Variants in BLTP3B observed in about 807,000 individuals in gnomAD.
The protein encoded by BLTP3B is bridge-like lipid transfer protein family member 3B.
At chr12:100,142,807 A>G in the BLTP3B span, 5 of 964,662 alleles carry the variant, frequency 5.2e-6, no homozygotes, top group Admixed American at 3.3e-5. Flanking sequence ...GAGAACCCGG[A>G]GCATCACGCT....
At chr12:100,083,491 G>A in the BLTP3B span, among the ~76,000 whole-genome samples, 1 of 152,112 alleles carries the variant, frequency 6.6e-6, no homozygotes, top group Non-Finnish European at 1.5e-5. Context: ...AGCTAGATAG[G>A]AGAAGTAAAT....
the BLTP3B span, among the ~76,000 whole-genome samples, chr12:100,116,448 C>CAAAAAA: frequency 3.4e-4 from 19 of 55,746 alleles, no homozygotes; most frequent in East Asian, 1.8e-3. Context: ...GATCCTGTCT[C>CAAAAAA]AAAAAAAAAA....
the BLTP3B span, chr12:100,095,781 T>A: frequency 6.2e-7 from 1 of 1,613,458 alleles, no homozygotes; most frequent in Non-Finnish European, 8.5e-7. Flanking sequence ...TCAAAACCCA[T>A]AATAAGTCAT....
chr12:100,076,068 A>G, the BLTP3B span, among the ~76,000 whole-genome samples: 1 of 152,164 alleles, frequency 6.6e-6, no homozygotes, highest in Admixed American at 6.5e-5. Context: ...CAATATAAAA[A>G]TGTAACAAAC....
chr12:100,057,513 C>T, the BLTP3B span: 28 of 1,404,408 alleles, frequency 2.0e-5, no homozygotes, highest in Middle Eastern at 3.7e-4. Flanking sequence ...AAAAGCATCC[C>T]TTTTCTCCTA....
At chr12:100,058,884 G>C in the BLTP3B span, 1 of 1,613,842 alleles carries the variant, frequency 6.2e-7, no homozygotes, top group South Asian at 1.1e-5. Flanking sequence ...TGACGAGGAA[G>C]GGGAAAATCT....
the BLTP3B span, among the ~76,000 whole-genome samples, chr12:100,136,980 T>G: frequency 5.3e-5 from 8 of 151,992 alleles, no homozygotes; most frequent in Non-Finnish European, 1.2e-4. Context: ...CCCAGCTAAT[T>G]TTGCATTTTT....
At chr12:100,136,923 T>C in the BLTP3B span, among the ~76,000 whole-genome samples, 1 of 152,298 alleles carries the variant, frequency 6.6e-6, no homozygotes, top group South Asian at 2.1e-4. Flanking sequence ...GCAATTCTCC[T>C]GTCTCAGCCT....
the BLTP3B span, among the ~76,000 whole-genome samples, chr12:100,068,975 C>T: frequency 2.6e-5 from 4 of 152,192 alleles, no homozygotes; most frequent in Admixed American, 1.3e-4. Flanking sequence ...TGGTGGCTCC[C>T]GCCTGTCATC....
the BLTP3B span, chr12:100,097,495 A>G: frequency 6.2e-7 from 1 of 1,610,860 alleles, no homozygotes; most frequent in Non-Finnish European, 8.5e-7. Flanking sequence ...TATTTCTTTA[A>G]AAGTCAAAAC....
the BLTP3B span, chr12:100,050,151 T>TAAA: frequency 4.2e-6 from 5 of 1,178,768 alleles, no homozygotes; most frequent in South Asian, 3.5e-5. Context: ...GAAAAATAAT[T>TAAA]AAAAAAAAAA....
the BLTP3B span, among the ~76,000 whole-genome samples, chr12:100,142,200 A>G: frequency 6.6e-6 from 1 of 152,188 alleles, no homozygotes; most frequent in African/African-American, 2.4e-5. Context: ...GGGAAGGAGC[A>G]CCGAACTCGA....
At chr12:100,142,425 GGC>G in the BLTP3B span, among the ~76,000 whole-genome samples, 2 of 152,170 alleles carry the variant, frequency 1.3e-5, no homozygotes, top group African/African-American at 4.8e-5. Context: ...CGGCGCCGCC[GGC>G]GACAAGAGAT....
At chr12:100,058,993 G>A in the BLTP3B span, 11 of 1,613,874 alleles carry the variant, frequency 6.8e-6, no homozygotes, top group Non-Finnish European at 7.6e-6. Flanking sequence ...CGCTTCAATC[G>A]GCCAGCCAGA....
At chr12:100,069,983 A>G in the BLTP3B span, 3 of 1,212,616 alleles carry the variant, frequency 2.5e-6, no homozygotes, top group Non-Finnish European at 3.1e-6. Flanking sequence ...ATTATGCAAT[A>G]ACAGACAATG....
the BLTP3B span, among the ~76,000 whole-genome samples, chr12:100,124,933 ATTTT>A: frequency 4.4e-5 from 2 of 45,096 alleles, no homozygotes; most frequent in Non-Finnish European, 9.6e-5. Flanking sequence ...AAAAAAAAAA[ATTTT>A]ATATATATAT....
At chr12:100,054,824 C>T in the BLTP3B span, among the ~76,000 whole-genome samples, 5 of 152,142 alleles carry the variant, frequency 3.3e-5, no homozygotes, top group South Asian at 4.1e-4. Flanking sequence ...GACTAGCTGA[C>T]AACTCTGCCT....
the BLTP3B span, among the ~76,000 whole-genome samples, chr12:100,062,345 G>A: frequency 9.2e-4 from 140 of 152,200 alleles, no homozygotes; most frequent in Middle Eastern, 0.01. Flanking sequence ...CTTTCACAAT[G>A]GTAAAACGAA....
the BLTP3B span, among the ~76,000 whole-genome samples, chr12:100,064,336 A>G: frequency 6.6e-6 from 1 of 152,238 alleles, no homozygotes; most frequent in African/African-American, 2.4e-5. Flanking sequence ...AAGGAGGAAG[A>G]GAAATCTAAA....
Sources: gnomAD v4.1 joint callset for allele counts (sites outside exome capture counted in the v4.1 genomes callset) on GRCh38, gnomAD v4.1.1 for gene constraint, MANE v1.5 for transcripts, NCBI Gene and HGNC (gene_info 2026-07-23, HGNC 2026-07-21) for gene names.